PRRC2C: variants seen among roughly 807,000 people sequenced by gnomAD.
PRRC2C encodes proline rich coiled-coil 2C, also known as protein PRRC2C.
In PRRC2C, 72 loss-of-function variants were observed where a neutral mutation model predicts 317.2. The ratio of observed to expected loss-of-function variants is 0.23; its 90% CI spans 0.19 to 0.28. The LOEUF is 0.28. Among genes scored for constraint, PRRC2C ranks in the 10% least tolerant of loss-of-function variants. The pLI, the probability that PRRC2C is intolerant of heterozygous loss-of-function variation, is 1.00. For synonymous variants in PRRC2C, 1,296 were observed against 1,205.9 expected (o/e 1.07, Z -1.55); for missense variants, 3,074 against 3,459.7 (o/e 0.89, Z 2.80).
intron 6 of PRRC2C, among the ~76,000 whole-genome samples, chr1:171,521,663 G>GTTA (rs994630652): frequency 2.2e-4 from 33 of 152,264 alleles, no homozygotes; most frequent in African/African-American, 7.9e-4. Flanking sequence ...GGGGACTGAT[G>GTTA]TTATCCTCCT....
intron 26 of PRRC2C, among the ~76,000 whole-genome samples, chr1:171,578,403 A>G (rs1647684951): frequency 6.6e-6 from 1 of 152,094 alleles, no homozygotes; most frequent in Non-Finnish European, 1.5e-5. Flanking sequence ...AATTTTAAAC[A>G]TTAGCTGGAT....
intron 11 of PRRC2C, among the ~76,000 whole-genome samples, chr1:171,530,239 T>C (rs534700057): frequency 8.5e-5 from 12 of 140,624 alleles, no homozygotes; most frequent in Admixed American, 6.5e-4. Context: ...GACTTGTAGC[T>C]GGGCTTTTTT....
chr1:171,589,800 T>C (rs1650962855), intron 34 of PRRC2C, among the ~76,000 whole-genome samples, 195 bp downstream of exon 34: 1 of 152,000 alleles, frequency 6.6e-6, no homozygotes, highest in Non-Finnish European at 1.5e-5. Context: ...TTTTTTCTTT[T>C]TGTTTCTTTT....
chr1:171,579,231 G>A (rs985805122), intron 26 of PRRC2C, 123 bp from the exon 27 acceptor site: 13 of 1,330,160 alleles, frequency 9.8e-6, no homozygotes, highest in Non-Finnish European at 1.3e-5. Flanking sequence ...GTTTTTCCAT[G>A]GCTGTATTTT....
chr1:171,556,936 A>G (rs1237971811), intron 18 of PRRC2C, among the ~76,000 whole-genome samples: 1 of 152,262 alleles, frequency 6.6e-6, no homozygotes, highest in Non-Finnish European at 1.5e-5. Context: ...GACTGTGAGT[A>G]GCATTTTGTT....
Position 171,573,359 on chromosome 1 carries a change from C to T in PRRC2C, c.6754-1568C>T, listed in dbSNP as rs116148147. On this transcript the variant is annotated intron_variant, in intron 24 of 34. Coordinates refer to ENST00000647382, the MANE Select transcript of PRRC2C (RefSeq NM_001387844.1). Reference sequence around the variant, plus strand: ...AGCTATAACTTAATTTATATGTTCCCAGTAAAACAAAATTGGCATAAAAGA... The same window carrying T: ...AGCTATAACTTAATTTATATGTTCCTAGTAAAACAAAATTGGCATAAAAGA... Among the ~76,000 whole-genome samples, 588 of 152,208 alleles carry T rather than the reference C, an allele frequency of 3.9e-3. 3 individuals are homozygous for T. The highest frequency in any genetic ancestry group is 0.013 in the African/African-American group (537 of 41,540).
At chr1:171,575,968 C>A (rs1037827304) in intron 25 of PRRC2C, among the ~76,000 whole-genome samples, 1 of 152,030 alleles carries the variant, frequency 6.6e-6, no homozygotes, top group African/African-American at 2.4e-5. Context: ...TTTTTAGGTA[C>A]CAAAAAGCTG....
intron 25 of PRRC2C, 89 bp from the exon 26 acceptor site, chr1:171,577,344 TA>T (rs1647260176): frequency 8.7e-7 from 1 of 1,143,358 alleles, no homozygotes; most frequent in Non-Finnish European, 1.3e-6. Context: ...GTAGAAACAT[TA>T]ATTTTGCAGT....
intron 34 of PRRC2C, among the ~76,000 whole-genome samples, chr1:171,590,928 A>AT (rs1391976071): frequency 6.6e-6 from 1 of 152,236 alleles, no homozygotes; most frequent in Non-Finnish European, 1.5e-5. Context: ...CAGGTTACCT[A>AT]TAGAACATAA....
At position 171,485,655 on chromosome 1, in the gene PRRC2C, C is replaced by T. The variant is rs954467393; in HGVS notation, c.-138C>T. On this transcript the variant is annotated 5_prime_UTR_variant, in exon 1 of 35. Transcript: ENST00000647382. The stretch of plus-strand genomic sequence containing the variant: ...TGGCCCTTCCGGCCACCCCTTTAAC[C>T]CCAGCTTTCCCTCCCCCTTCTTTCG... 6.5e-6 allele frequency: 1 copy of T among 152,728 alleles called. No individual in the cohort carries two copies. Among genetic ancestry groups the T allele is most frequent in the Non-Finnish European group, 1.5e-5 (1 of 68,148 alleles). The allele number at this position is 152,728 out of a possible 1,614,324, so 9.5% of individuals were successfully genotyped here.
intron 17 of PRRC2C, among the ~76,000 whole-genome samples, chr1:171,548,939 C>A (rs544583333): frequency 3.2e-4 from 49 of 152,170 alleles, no homozygotes; most frequent in Admixed American, 1.8e-3. Flanking sequence ...GCAGTCTCAA[C>A]CTCCCCAACT....
intron 11 of PRRC2C, among the ~76,000 whole-genome samples, chr1:171,531,091 T>C (rs1157978658): frequency 1.3e-5 from 2 of 152,220 alleles, no homozygotes; most frequent in Non-Finnish European, 2.9e-5. Flanking sequence ...AATGCCATTA[T>C]ACTTAGCAAA....
At chr1:171,535,221 A>C (rs112184849) in intron 12 of PRRC2C, among the ~76,000 whole-genome samples, 2 of 152,174 alleles carry the variant, frequency 1.3e-5, no homozygotes, top group South Asian at 4.1e-4. Context: ...CATCTCTAAG[A>C]ATGCAGCTTT....
chr1:171,570,685 T>C (rs184306623), intron 23 of PRRC2C, among the ~76,000 whole-genome samples: 67 of 152,362 alleles, frequency 4.4e-4, no homozygotes, highest in East Asian at 2.9e-3. Context: ...ATTATTACTA[T>C]AGCAGAACAG....
chr1:171,574,030 AAGGACTCACAAAGT>A (rs1446016171), intron 24 of PRRC2C, among the ~76,000 whole-genome samples: 1 of 152,064 alleles, frequency 6.6e-6, no homozygotes, highest in Non-Finnish European at 1.5e-5. Flanking sequence ...TTGATACTTT[AAGGACTCACAAAGT>A]TCCTAACAGT....
At chr1:171,584,936 T>C (rs948238059) in intron 30 of PRRC2C, among the ~76,000 whole-genome samples, 2 of 152,178 alleles carry the variant, frequency 1.3e-5, no homozygotes, top group African/African-American at 4.8e-5. Flanking sequence ...TATGCCTGGC[T>C]AATTTTTCTT....
intron 20 of PRRC2C, among the ~76,000 whole-genome samples, chr1:171,563,303 A>T (rs1264628557): frequency 6.6e-6 from 1 of 152,208 alleles, no homozygotes. Context: ...TGTACTTTAA[A>T]TCATCTCTAG....
Position 171,541,889 on chromosome 1 carries a change from G to C in PRRC2C, c.4423G>C (p.Gly1475Arg). The C allele has an allele frequency of 6.2e-7, 1 of 1,613,728 alleles. No individual in the cohort carries two copies. Among genetic ancestry groups the C allele is most frequent in the Non-Finnish European group, 8.5e-7 (1 of 1,179,806 alleles). Residue 1475 changes from glycine (G) to arginine (R), a missense_variant, in exon 16 of 35, where the codon GGG becomes CGG. Around this residue, in one of 11 missense-constraint regions of PRRC2C, gnomAD observed 1,320 missense variants for 1,395.7 expected, o/e 0.95. Coordinates refer to ENST00000647382, the MANE Select transcript of PRRC2C (RefSeq NM_001387844.1). This position sits in a 1 kb window ranked among gnomAD's most constrained non-coding sequence, Gnocchi z 4.1. ...GGCTCAAGAACCAGTTAATACTCTTGGGGATATTTCCGGGAATAAGACACC... is the reference window on the plus strand; with the variant it reads ...GGCTCAAGAACCAGTTAATACTCTTCGGGATATTTCCGGGAATAAGACACC... ...NVAQEPVNTL[G>R]DISGNKTPDL... is the part of the protein sequence containing the mutation.
intron 18 of PRRC2C, among the ~76,000 whole-genome samples, chr1:171,556,326 G>A (rs2102630448): frequency 6.6e-6 from 1 of 152,342 alleles, no homozygotes; most frequent in Admixed American, 6.5e-5. Context: ...GGTACAGTCT[G>A]TCATGACTTC....
Sources: allele counts gnomAD v4.1 joint callset (sites outside exome capture counted in the v4.1 genomes callset), GRCh38; gene constraint gnomAD v4.1.1; regional missense constraint gnomAD v4.1.1; non-coding constraint Gnocchi (gnomAD v3.1); transcripts MANE v1.5; gene names NCBI Gene and HGNC (gene_info 2026-07-23, HGNC 2026-07-21).